Variants in IGFL2 observed in about 807,000 individuals in gnomAD.
IGFL2 encodes the protein IGF like family member 2, also known as insulin growth factor-like family member 2.
In IGFL2, 7 loss-of-function variants were observed where a neutral mutation model predicts 13.9. The ratio of observed to expected loss-of-function variants is 0.51; its 90% CI spans 0.29 to 0.95. The LOEUF (loss-of-function observed/expected upper bound fraction) is 0.95. Ranked by LOEUF, IGFL2 falls within the 40% of genes least tolerant of loss-of-function variation. The pLI is 0.08. For synonymous variants in IGFL2, 55 were observed against 55.8 expected, an observed-to-expected ratio of 0.99 and a Z score of 0.07; for missense variants, 138 against 147.8, an observed-to-expected ratio of 0.93 and a Z score of 0.34.
At chr19:46,146,893 C>T (rs2146825864), upstream of IGFL2, among the ~76,000 whole-genome samples, 1 of 152,298 alleles carries the variant, frequency 6.6e-6, no homozygotes, top group African/African-American at 2.4e-5. Context: ...ACCCTCCCAC[C>T]TATCTCACTG....
chr19:46,161,329 T>C (rs1974159825), downstream of IGFL2: 2 of 426,534 alleles, frequency 4.7e-6, no homozygotes, highest in Non-Finnish European at 8.3e-6. Flanking sequence ...TTTTTTTTTT[T>C]TTTTTTTGGA....
At chr19:46,111,049 A>T in the IGFL2 span, 1 of 152,182 alleles carries the variant, frequency 6.6e-6, no homozygotes, top group Non-Finnish European at 1.5e-5. Flanking sequence ...TATTGCTCAT[A>T]CCCCAGGGTA....
intron 1 of IGFL2, among the ~76,000 whole-genome samples, chr19:46,154,456 T>G (rs1973696579): frequency 6.6e-6 from 1 of 152,140 alleles, no homozygotes; most frequent in Non-Finnish European, 1.5e-5. Context: ...TTGTTTTGTT[T>G]TGTTTTTGAC....
the IGFL2 span, among the ~76,000 whole-genome samples, chr19:46,100,457 A>G: frequency 2.6e-5 from 4 of 152,204 alleles, no homozygotes; most frequent in Admixed American, 2.0e-4. Flanking sequence ...TTTTCATGCA[A>G]GTGAATCTGC....
the IGFL2 span, among the ~76,000 whole-genome samples, chr19:46,105,628 C>G: frequency 6.6e-6 from 1 of 152,082 alleles, no homozygotes; most frequent in African/African-American, 2.4e-5. Flanking sequence ...GTGAATATAG[C>G]TGAAGGAGCC....
the IGFL2 span, among the ~76,000 whole-genome samples, chr19:46,078,732 G>T: frequency 2.0e-5 from 3 of 152,394 alleles, no homozygotes; most frequent in East Asian, 5.8e-4. Flanking sequence ...TATTTGAGCC[G>T]ATATCCCAGT....
the IGFL2 span, among the ~76,000 whole-genome samples, chr19:46,115,718 A>G: frequency 6.6e-6 from 1 of 152,162 alleles, no homozygotes; most frequent in Admixed American, 6.5e-5. Flanking sequence ...AATGTATGGG[A>G]GGAGGCCAGC....
the IGFL2 span, among the ~76,000 whole-genome samples, chr19:46,195,528 CCT>C: frequency 2.0e-5 from 3 of 152,116 alleles, no homozygotes; most frequent in Admixed American, 6.5e-5. Context: ...GATAAAAACA[CCT>C]CTGTCTTTGC....
the IGFL2 span, chr19:46,124,375 G>GA: frequency 1.9e-5 from 29 of 1,538,314 alleles, no homozygotes; most frequent in Non-Finnish European, 2.5e-5. Flanking sequence ...GACAAGTATG[G>GA]AAAAAACAAA....
chr19:46,160,149 AACTT>A, intron 1 of IGFL2: 6 of 489,278 alleles, frequency 1.2e-5, no homozygotes, highest in Non-Finnish European at 2.2e-5. Context: ...CCAACTGGTA[AACTT>A]CAGCATATTC....
chr19:46,106,276 G>A, the IGFL2 span, among the ~76,000 whole-genome samples: 1 of 152,190 alleles, frequency 6.6e-6, no homozygotes, highest in East Asian at 1.9e-4. Context: ...GGAGCAGGAG[G>A]GTGCCCTGTT....
intron 1 of IGFL2, among the ~76,000 whole-genome samples, chr19:46,150,296 T>G (rs1412766163): frequency 1.3e-5 from 2 of 152,242 alleles, no homozygotes; most frequent in East Asian, 1.9e-4. Flanking sequence ...TATATATAAT[T>G]TGCAAATACT....
the IGFL2 span, among the ~76,000 whole-genome samples, chr19:46,168,352 A>G: frequency 5.3e-5 from 8 of 152,212 alleles, no homozygotes; most frequent in Non-Finnish European, 1.2e-4. Context: ...GGTCTTATTT[A>G]AAGCATTTCA....
At chr19:46,209,989 G>A in the IGFL2 span, 1 of 152,238 alleles carries the variant, frequency 6.6e-6, no homozygotes, top group Non-Finnish European at 1.5e-5. Flanking sequence ...AATTGTGGGG[G>A]CTGCAGGGGG....
intron 1 of IGFL2, among the ~76,000 whole-genome samples, chr19:46,150,758 CCTCTGAGG>C (rs1404182827): frequency 3.9e-5 from 6 of 152,106 alleles, no homozygotes; most frequent in Non-Finnish European, 8.8e-5. Flanking sequence ...GCACCCTCTA[CCTCTGAGG>C]CTCAAGTGAT....
At chr19:46,117,937 C>A in the IGFL2 span, among the ~76,000 whole-genome samples, 1 of 152,116 alleles carries the variant, frequency 6.6e-6, no homozygotes, top group African/African-American at 2.4e-5. Context: ...CTAAATGCAA[C>A]CTTTGTGGCC....
chr19:46,172,974 C>T, the IGFL2 span, among the ~76,000 whole-genome samples: 1 of 152,118 alleles, frequency 6.6e-6, no homozygotes, highest in Admixed American at 6.5e-5. Flanking sequence ...TTGGTTGATC[C>T]TTGGTATTTA....
At chr19:46,201,135 G>T in the IGFL2 span, among the ~76,000 whole-genome samples, 1 of 152,214 alleles carries the variant, frequency 6.6e-6, no homozygotes, top group Non-Finnish European at 1.5e-5. Context: ...CTCTCCACAA[G>T]GGAGGAGGAA....
At chr19:46,127,779 TAAAA>T in the IGFL2 span, among the ~76,000 whole-genome samples, 1 of 152,188 alleles carries the variant, frequency 6.6e-6, no homozygotes, top group Non-Finnish European at 1.5e-5. Context: ...TTTAAAATGT[TAAAA>T]AATCTACTTT....
Sources: gnomAD v4.1 joint callset for allele counts (sites outside exome capture counted in the v4.1 genomes callset) on GRCh38, gnomAD v4.1.1 for gene constraint, MANE v1.5 for transcripts, NCBI Gene and HGNC (gene_info 2026-07-23, HGNC 2026-07-21) for gene names.